Variants in EFHB observed in about 807,000 individuals in gnomAD.
EFHB encodes the protein EF-hand domain family member B, also known as EF-hand domain-containing family member B.
EFHB carries 91 observed loss-of-function variants against 87.2 expected under a neutral mutation model. The observed-to-expected ratio is 1.04, with a 90% confidence interval of 0.88 to 1.24. EFHB has a LOEUF of 1.24. Among genes scored for constraint, EFHB ranks in the 50% most tolerant of loss-of-function variants. The pLI is 0.00. For missense variants in EFHB, 1,084 were observed against 998.8 expected (o/e 1.09, Z -1.15); for synonymous variants, 325 against 333.6 (o/e 0.97, Z 0.28).
intron 5 of EFHB, among the ~76,000 whole-genome samples, chr3:19,913,369 T>C (rs1695124255): frequency 6.6e-6 from 1 of 152,142 alleles, no homozygotes; most frequent in South Asian, 2.1e-4. Flanking sequence ...AAAATAAACA[T>C]ACAAAAATCA....
chr3:19,901,081 C>T lies in EFHB; in HGVS notation c.1419-1566G>A, dbSNP rs529800777. Among the ~76,000 whole-genome samples the T allele has an allele frequency of 1.0e-3, 155 of 152,178 alleles. 2 individuals carry two copies. Among genetic ancestry groups the T allele is most frequent in the African/African-American group, 3.6e-3 (151 of 41,540 alleles). ...GAATACACTGCATGCATTTTCAATG[C>T]TGGCATATACAGCAATATATAATTA... is the stretch of plus-strand genomic sequence containing the variant. On this transcript the variant is annotated intron_variant, in intron 6 of 12. Transcript: ENST00000295824.
chr3:19,899,386 A>G, intron 7 of EFHB, 46 bp downstream of exon 7: 1 of 1,408,872 alleles, frequency 7.1e-7, no homozygotes, highest in Admixed American at 2.1e-5. Flanking sequence ...TATTTTTTAA[A>G]TTCTATGCAA....
chr3:19,928,176 G>A (rs779463495), intron 1 of EFHB, among the ~76,000 whole-genome samples: 2 of 151,786 alleles, frequency 1.3e-5, no homozygotes, highest in Non-Finnish European at 2.9e-5. Context: ...GATATATTAT[G>A]AACATAATAT....
At position 19,933,420 on chromosome 3, in the gene EFHB, T is replaced by C. The variant is rs780081447; in HGVS notation, c.599A>G (p.Glu200Gly). 21 of 1,613,914 alleles carry C rather than the reference T, an allele frequency of 1.3e-5. No individual in the cohort carries two copies. The East Asian group carries it at 4.5e-4, about 34-fold the overall frequency. The change falls in exon 1 of 13, where the codon GAG becomes GGG. Residue 200 changes from glutamate to glycine, a missense_variant. Coordinates refer to ENST00000295824, the MANE Select transcript of EFHB (RefSeq NM_144715.4). ...TGTATTCTTAGTCTCATCTGGCCCC[T>C]CGGCTTGGGTTAGTCCAATGTCCAC... Reference protein sequence around the residue: ...VEVDIGLTQAEGPDETKNTEP... With the variant: ...VEVDIGLTQAGGPDETKNTEP...
chr3:19,940,557 T>C (rs1214432819), intron 1 of EFHB: 5 of 499,456 alleles, frequency 1.0e-5, no homozygotes, highest in African/African-American at 1.9e-5. Flanking sequence ...ATTCATAGGA[T>C]TCAAGGGAAT....
At chr3:19,938,127 A>G (rs1696064848), upstream of EFHB, among the ~76,000 whole-genome samples, 1 of 152,182 alleles carries the variant, frequency 6.6e-6, no homozygotes, top group African/African-American at 2.4e-5. Context: ...GGTTCCCTTC[A>G]CCTGGAATGT....
chr3:19,898,874 A>C, intron 7 of EFHB, 29 bp from the exon 8 acceptor site: 1 of 1,603,926 alleles, frequency 6.2e-7, no homozygotes, highest in Non-Finnish European at 8.5e-7. Context: ...CCTTAGTTAA[A>C]ATACCCACCA....
At chr3:19,916,439 T>G (rs1334333990) in intron 4 of EFHB, among the ~76,000 whole-genome samples, 1 of 151,704 alleles carries the variant, frequency 6.6e-6, no homozygotes, top group East Asian at 1.9e-4. Flanking sequence ...CGCTTGAACC[T>G]GGGAGGCAGA....
At chr3:19,919,648 G>GGCT (rs1157013009) in intron 3 of EFHB, among the ~76,000 whole-genome samples, 185 bp downstream of exon 3, 14 of 152,102 alleles carry the variant, frequency 9.2e-5, no homozygotes. Context: ...ACACTGTCTT[G>GGCT]GCTGCTGCTG....
intron 10 of EFHB, 40 bp from the exon 11 acceptor site, chr3:19,884,655 A>G (rs774890269): frequency 1.3e-6 from 2 of 1,574,570 alleles, no homozygotes; most frequent in African/African-American, 2.7e-5. Context: ...GCAGGAATAC[A>G]TTACTACTTA....
intron 5 of EFHB, 124 bp downstream of exon 5, chr3:19,915,179 A>G (rs1403849065): frequency 1.5e-5 from 9 of 614,784 alleles, no homozygotes; most frequent in Non-Finnish European, 2.3e-5. Context: ...CCTTATGAAT[A>G]ATATTGTATT....
intron 10 of EFHB, 24 bp from the exon 11 acceptor site, chr3:19,884,639 A>T: frequency 6.2e-7 from 1 of 1,603,118 alleles, no homozygotes; most frequent in East Asian, 2.2e-5. Context: ...AAATGAAAGA[A>T]AAAATGCAGG....
At chr3:19,907,799 C>G (rs1280501471) in intron 5 of EFHB, among the ~76,000 whole-genome samples, 2 of 152,178 alleles carry the variant, frequency 1.3e-5, no homozygotes. Flanking sequence ...TTCAGCCTCA[C>G]TAGTAACTCA....
intron 9 of EFHB, among the ~76,000 whole-genome samples, chr3:19,890,629 G>C (rs1475555105): frequency 2.0e-5 from 3 of 152,186 alleles, no homozygotes; most frequent in Non-Finnish European, 4.4e-5. Context: ...ATCAAGAAGA[G>C]CCATGTATAG....
chr3:19,896,495 A>G (rs1575004456), intron 9 of EFHB, 192 bp downstream of exon 9: 9 of 765,670 alleles, frequency 1.2e-5, no homozygotes, highest in African/African-American at 5.1e-5. Flanking sequence ...CTGTATTCAT[A>G]CTGCAAAAGC....
chr3:19,907,549 G>A (rs1694880676), intron 5 of EFHB, among the ~76,000 whole-genome samples: 1 of 152,158 alleles, frequency 6.6e-6, no homozygotes, highest in Non-Finnish European at 1.5e-5. Flanking sequence ...TGTTCTCACT[G>A]AGATTTGGTG....
chr3:19,884,519 G>C lies in EFHB; in HGVS notation c.2030C>G (p.Ala677Gly), dbSNP rs370373460. Residue 677 changes from alanine (A) to glycine (G), a missense_variant, in exon 11 of 13, where the codon GCA becomes GGA. Physicochemically the swap from Ala to Gly is moderately conservative, Grantham distance 60. Transcript: ENST00000295824. ...CCGGAGAGTCTTTTCTGTGCTTCCT[G>C]CTTCTTTTAAGACAATATCTTCTGG... ...IKPEDIVLKE[A>G]GSTEKTLRTL... 1.2e-6 allele frequency: 2 copies of C among 1,613,798 alleles called. No individual in the cohort carries two copies. Among genetic ancestry groups the C allele is most frequent in the African/African-American group, 2.7e-5 (2 of 74,896 alleles).
chr3:19,926,464 C>T (rs1051617189), intron 1 of EFHB, among the ~76,000 whole-genome samples: 2 of 151,960 alleles, frequency 1.3e-5, no homozygotes, highest in African/African-American at 2.4e-5. Context: ...CCCAGGTTCA[C>T]GCCATTCTCC....
At chr3:19,896,621 A>C (rs1418254278) in intron 9 of EFHB, 66 bp downstream of exon 9, 1 of 1,607,752 alleles carries the variant, frequency 6.2e-7, no homozygotes, top group Non-Finnish European at 8.5e-7. Flanking sequence ...CTGACCCCTG[A>C]TCTACACCAA....
Sources: gnomAD v4.1 joint callset for allele counts (sites outside exome capture counted in the v4.1 genomes callset) on GRCh38, gnomAD v4.1.1 for gene constraint, MANE v1.5 for transcripts, NCBI Gene and HGNC (gene_info 2026-07-23, HGNC 2026-07-21) for gene names.